The following KCNH7 variants were observed in gnomAD, a reference collection of about 807,000 sequenced individuals.
The protein encoded by KCNH7 is voltage-gated inwardly rectifying potassium channel KCNH7.
In KCNH7, 49 loss-of-function variants were observed where a neutral mutation model predicts 120.8. The ratio of observed to expected loss-of-function variants is 0.41; its 90% confidence interval spans 0.32 to 0.51. The LOEUF (loss-of-function observed/expected upper bound fraction) is 0.51, where lower values mean the gene tolerates loss of function less well. KCNH7 is among the 20% of genes least tolerant of loss of function. The pLI, the probability that KCNH7 is intolerant of heterozygous loss-of-function variation, is 0.38. For missense variants in KCNH7, 1,097 were observed against 1,446.6 expected, an observed-to-expected ratio of 0.76 and a Z score of 3.92; for synonymous variants, 547 against 516.1, an observed-to-expected ratio of 1.06 and a Z score of -0.81.
intron 2 of KCNH7, among the ~76,000 whole-genome samples, chr2:162,623,846 A>T (rs1683450904): frequency 6.6e-6 from 1 of 152,212 alleles, no homozygotes; most frequent in Non-Finnish European, 1.5e-5. Context: ...AGTGTTTGAG[A>T]GGTAGTACAG....
At chr2:162,511,753 G>C (rs1305787109) in intron 5 of KCNH7, among the ~76,000 whole-genome samples, 1 of 151,726 alleles carries the variant, frequency 6.6e-6, no homozygotes, top group Non-Finnish European at 1.5e-5. Flanking sequence ...ACAGTGGTCA[G>C]TGTACCAGTG....
chr2:162,447,616 A>G (rs528419377), intron 6 of KCNH7, among the ~76,000 whole-genome samples: 1 of 152,248 alleles, frequency 6.6e-6, no homozygotes, highest in Admixed American at 6.6e-5. Flanking sequence ...CAATTAATAC[A>G]TCATCAGCTT....
At chr2:162,516,635 C>A (rs1302804259) in intron 4 of KCNH7, among the ~76,000 whole-genome samples, 4 of 151,686 alleles carry the variant, frequency 2.6e-5, no homozygotes, top group Non-Finnish European at 5.9e-5. Context: ...GCAGGTCTCT[C>A]AAGAACCAAA....
chr2:162,729,161 A>ATTTTTTTTTTTTTTTTTTTTTT, intron 2 of KCNH7, among the ~76,000 whole-genome samples: 1 of 137,300 alleles, frequency 7.3e-6, no homozygotes. Context: ...AATATACCCA[A>ATTTTTTTTTTTTTTTTTTTTTT]ATTTTTTTTT....
At chr2:162,540,075 A>G (rs1194509777) in intron 2 of KCNH7, among the ~76,000 whole-genome samples, 2 of 151,938 alleles carry the variant, frequency 1.3e-5, no homozygotes, top group Non-Finnish European at 2.9e-5. Flanking sequence ...CCCAGCAAAC[A>G]CTAACCAAGC....
chr2:162,542,090 A>G (rs1460417482), intron 2 of KCNH7, among the ~76,000 whole-genome samples: 1 of 152,076 alleles, frequency 6.6e-6, no homozygotes, highest in Non-Finnish European at 1.5e-5. Context: ...AATAAATTTA[A>G]AAGATATAGG....
intron 9 of KCNH7, among the ~76,000 whole-genome samples, chr2:162,401,580 A>T (rs947401811): frequency 1.3e-5 from 2 of 151,974 alleles, no homozygotes; most frequent in African/African-American, 4.8e-5. Context: ...TGAGAAAAAA[A>T]CATACAATTA....
At chr2:162,431,307 C>T (rs1379023978) in intron 8 of KCNH7, among the ~76,000 whole-genome samples, 2 of 151,832 alleles carry the variant, frequency 1.3e-5, no homozygotes, top group Admixed American at 6.6e-5. Context: ...AGCACATATA[C>T]GATCTTTTAT....
At chr2:162,812,463 C>T (rs1684764841) in intron 2 of KCNH7, among the ~76,000 whole-genome samples, 1 of 151,700 alleles carries the variant, frequency 6.6e-6, no homozygotes, top group South Asian at 2.1e-4. Context: ...AGAGCACAAA[C>T]CCACAGGATG....
chr2:162,715,872 T>C (rs1439091151), intron 2 of KCNH7, among the ~76,000 whole-genome samples: 5 of 152,168 alleles, frequency 3.3e-5, no homozygotes, highest in Non-Finnish European at 7.3e-5. Context: ...ATTAAAATTA[T>C]GTTAAATGTA....
Position 162,408,436 on chromosome 2 carries a change from G to A in KCNH7, c.2155-7995C>T, listed in dbSNP as rs145514928. Among the ~76,000 whole-genome samples, 568 of 151,958 alleles carry A rather than the reference G, an allele frequency of 3.7e-3. 3 individuals are homozygous for A. The highest frequency in any genetic ancestry group is 0.01 in the Middle Eastern group (3 of 294). On this transcript the variant is annotated intron_variant, in intron 9 of 15. Coordinates refer to ENST00000332142, the MANE Select transcript of KCNH7 (RefSeq NM_033272.4). ...CTAACAAATTCCCCTCCTATAAAAT[G>A]TATTGACTGTTAACTTGGCACTCCG...
intron 2 of KCNH7, among the ~76,000 whole-genome samples, chr2:162,580,684 AGGACT>A (rs1693836791): frequency 2.0e-5 from 3 of 152,060 alleles, no homozygotes; most frequent in Non-Finnish European, 4.4e-5. Context: ...TAAAAGAAAG[AGGACT>A]GGAGAGAAGA....
intron 2 of KCNH7, among the ~76,000 whole-genome samples, chr2:162,812,811 A>G (rs1684782163): frequency 1.3e-5 from 2 of 152,130 alleles, no homozygotes; most frequent in African/African-American, 2.4e-5. Flanking sequence ...GAGAAAAAAG[A>G]CATTGCGTTA....
intron 14 of KCNH7, among the ~76,000 whole-genome samples, chr2:162,377,480 TGAG>T (rs1450340358): frequency 6.6e-6 from 1 of 152,146 alleles, no homozygotes; most frequent in East Asian, 1.9e-4. Context: ...AAAGGAAAGA[TGAG>T]GAGGACTACA....
chr2:162,630,909 C>T (rs1683743319), intron 2 of KCNH7, among the ~76,000 whole-genome samples: 1 of 151,994 alleles, frequency 6.6e-6, no homozygotes, highest in South Asian at 2.1e-4. Context: ...GTCTAATCTC[C>T]CCGATCAGGT....
At chr2:162,391,863 T>C (rs1313776022) in intron 12 of KCNH7, among the ~76,000 whole-genome samples, 2 of 151,996 alleles carry the variant, frequency 1.3e-5, no homozygotes, top group Non-Finnish European at 2.9e-5. Context: ...GGATAAGGGA[T>C]TTAGATTAAC....
intron 2 of KCNH7, among the ~76,000 whole-genome samples, chr2:162,788,251 C>T (rs1316697547): frequency 1.3e-5 from 2 of 152,138 alleles, no homozygotes; most frequent in African/African-American, 4.8e-5. Flanking sequence ...ATATTAAATG[C>T]AGTTTTGACT....
intron 2 of KCNH7, among the ~76,000 whole-genome samples, chr2:162,706,135 GT>G (rs1324767220): frequency 6.6e-6 from 1 of 152,074 alleles, no homozygotes; most frequent in Non-Finnish European, 1.5e-5. Context: ...TAAGGGAGCT[GT>G]GCTGGAGACC....
intron 6 of KCNH7, among the ~76,000 whole-genome samples, chr2:162,496,484 GC>G (rs1226354443): frequency 6.6e-6 from 1 of 151,992 alleles, no homozygotes; most frequent in Non-Finnish European, 1.5e-5. Context: ...ATATATAGAA[GC>G]CTTTGTATTC....
Sources: allele counts gnomAD v4.1 joint callset (sites outside exome capture counted in the v4.1 genomes callset), GRCh38; gene constraint gnomAD v4.1.1; transcripts MANE v1.5; gene names NCBI Gene and HGNC (gene_info 2026-07-23, HGNC 2026-07-21).